NUMB: variants seen among roughly 807,000 people sequenced by gnomAD.
NUMB encodes protein numb homolog.
A neutral mutation model predicts 59.7 loss-of-function variants in NUMB; 29 were observed. That is an observed-to-expected ratio of 0.49 (90% CI 0.36 to 0.66). The LOEUF is 0.66. NUMB is among the 30% of genes least tolerant of loss of function. NUMB has a pLI of 0.00. For missense variants in NUMB, 723 were observed against 822.0 expected, an observed-to-expected ratio of 0.88 and a Z score of 1.47; for synonymous variants, 288 against 288.2, an observed-to-expected ratio of 1.00 and a Z score of 0.01.
At position 73,276,556 on chromosome 14, in the gene NUMB, G is replaced by C. The variant is rs1339696449; in HGVS notation, c.*22C>G. 2 of 1,586,106 alleles carry C rather than the reference G, an allele frequency of 1.3e-6. No individual in the cohort carries two copies. Among genetic ancestry groups the C allele is most frequent in the Non-Finnish European group, 1.7e-6 (2 of 1,159,076 alleles). On this transcript the variant is annotated 3_prime_UTR_variant, in exon 13 of 13. Transcript: ENST00000555238. Reference sequence around the variant, plus strand: ...CCTGCTCCCTGTCTGGTATGGACAAGATACATAGCCATAATGATTGCTTAA... The same window carrying C: ...CCTGCTCCCTGTCTGGTATGGACAACATACATAGCCATAATGATTGCTTAA...
intron 6 of NUMB, among the ~76,000 whole-genome samples, chr14:73,304,407 C>A (rs2139866985): frequency 6.6e-6 from 1 of 152,214 alleles, no homozygotes; most frequent in African/African-American, 2.4e-5. Context: ...AACTCCTGGG[C>A]TCAAGTCATC....
At chr14:73,360,483 G>A (rs1053761152) in intron 3 of NUMB, among the ~76,000 whole-genome samples, 6 of 150,468 alleles carry the variant, frequency 4.0e-5, no homozygotes, top group African/African-American at 7.3e-5. Context: ...ACTTGAACCC[G>A]GGAGGCAGAG....
chr14:73,456,212 C>A lies in NUMB; in HGVS notation c.-233+2281G>T, dbSNP rs1435766455. ...GCAACCTCCACCTCCGGGGTTCAAG[C>A]AATTCTCCAGCCTCAGCCTTCCAAG... On this transcript the variant is annotated intron_variant, in intron 1 of 12. Transcript: ENST00000555238. Among the ~76,000 whole-genome samples the A allele has an allele frequency of 2.6e-5, 4 of 151,800 alleles. No individual in the cohort carries two copies. The East Asian group carries it at 7.7e-4, about 29-fold the overall frequency.
intron 12 of NUMB, 90 bp from the exon 13 acceptor site, chr14:73,277,383 T>C: frequency 9.9e-7 from 1 of 1,014,584 alleles, no homozygotes; most frequent in East Asian, 2.6e-5. Flanking sequence ...TCCTAACATG[T>C]ACAACATGTC....
chr14:73,330,380 CAT>C (rs772109201), intron 4 of NUMB, among the ~76,000 whole-genome samples: 3 of 152,040 alleles, frequency 2.0e-5, no homozygotes, highest in Admixed American at 6.6e-5. Context: ...CAATCAGTTC[CAT>C]ATATATATTT....
At chr14:73,383,316 G>T (rs535954983) in intron 2 of NUMB, among the ~76,000 whole-genome samples, 1 of 152,140 alleles carries the variant, frequency 6.6e-6, no homozygotes, top group Non-Finnish European at 1.5e-5. Context: ...AAGTTAAATT[G>T]AAAATCGAGA....
chr14:73,322,693 C>A (rs2139922969), intron 5 of NUMB: 1 of 152,364 alleles, frequency 6.6e-6, no homozygotes, highest in East Asian at 1.9e-4. Flanking sequence ...TACTATTCTT[C>A]TATCAGATTT....
intron 1 of NUMB, among the ~76,000 whole-genome samples, chr14:73,424,445 G>T (rs376224923): frequency 2.0e-5 from 3 of 152,074 alleles, no homozygotes; most frequent in Admixed American, 2.0e-4. Flanking sequence ...AAATCTTGCC[G>T]TAACTAAAGT....
chr14:73,311,574 G>A (rs1053241729), intron 6 of NUMB, among the ~76,000 whole-genome samples: 1 of 152,046 alleles, frequency 6.6e-6, no homozygotes, highest in African/African-American at 2.4e-5. Context: ...GGCAACTTCC[G>A]GAAAAGAAGG....
At chr14:73,338,002 A>G (rs2139968637) in intron 4 of NUMB, among the ~76,000 whole-genome samples, 1 of 152,242 alleles carries the variant, frequency 6.6e-6, no homozygotes, top group South Asian at 2.1e-4. Flanking sequence ...ACATTGGTAC[A>G]GTTCAGGTGC....
intron 1 of NUMB, among the ~76,000 whole-genome samples, chr14:73,418,406 T>A (rs1465774505): frequency 6.6e-6 from 1 of 152,204 alleles, no homozygotes; most frequent in Non-Finnish European, 1.5e-5. Context: ...TTCTGGGATG[T>A]ACAGTGGTGA....
intron 3 of NUMB, among the ~76,000 whole-genome samples, 156 bp downstream of exon 3, chr14:73,366,741 T>C (rs1022438855): frequency 1.3e-5 from 2 of 152,234 alleles, no homozygotes; most frequent in Admixed American, 1.3e-4. Flanking sequence ...TGTGAAATTA[T>C]TATAAAGGAC....
intron 1 of NUMB, among the ~76,000 whole-genome samples, chr14:73,445,381 A>AAAAAAAAAAAAAAAAAAAAAAAAC (rs1206147366): frequency 3.1e-5 from 4 of 129,790 alleles, no homozygotes; most frequent in Non-Finnish European, 5.0e-5. Flanking sequence ...AAAAAAAAAA[A>AAAAAAAAAAAAAAAAAAAAAAAAC]AAAAAAAAAA....
At chr14:73,367,348 T>TATAGAGAG (rs1555375287) in intron 2 of NUMB, among the ~76,000 whole-genome samples, 4,323 of 105,174 alleles carry the variant, frequency 0.041, 130 homozygotes, top group East Asian at 0.081. Context: ...TATATATATA[T>TATAGAGAG]AGAGAGAGAG....
intron 1 of NUMB, among the ~76,000 whole-genome samples, chr14:73,437,194 C>T: frequency 6.6e-6 from 1 of 151,790 alleles, no homozygotes; most frequent in East Asian, 2.0e-4. Context: ...TACAGGCACA[C>T]ACCACCATGC....
chr14:73,296,441 CA>C (rs34343929), intron 7 of NUMB, among the ~76,000 whole-genome samples: 71,549 of 123,824 alleles, frequency 0.58, 18,421 homozygotes, highest in East Asian at 0.71. Context: ...AACTCCATCT[CA>C]AAAAAAAAAA....
intron 4 of NUMB, among the ~76,000 whole-genome samples, chr14:73,323,851 T>C (rs531049871): frequency 3.3e-5 from 5 of 152,276 alleles, no homozygotes; most frequent in African/African-American, 1.2e-4. Flanking sequence ...CATAAAGTTA[T>C]AGGTGTGGAA....
chr14:73,282,218 T>A, intron 11 of NUMB, 141 bp downstream of exon 11: 7 of 666,818 alleles, frequency 1.0e-5, no homozygotes, highest in Non-Finnish European at 1.7e-5. Context: ...GAGAAATCAA[T>A]GAATCTAAGA....
intron 4 of NUMB, among the ~76,000 whole-genome samples, chr14:73,340,197 C>T (rs538435824): frequency 6.6e-6 from 1 of 152,316 alleles, no homozygotes; most frequent in South Asian, 2.1e-4. Flanking sequence ...CTTGCTGCCT[C>T]CTATGTGTAA....
Sources: allele counts gnomAD v4.1 joint callset (sites outside exome capture counted in the v4.1 genomes callset), GRCh38; gene constraint gnomAD v4.1.1; transcripts MANE v1.5; gene names NCBI Gene and HGNC (gene_info 2026-07-23, HGNC 2026-07-21).